Variants in CACNA1B observed in about 807,000 individuals in gnomAD.
CACNA1B encodes the protein calcium voltage-gated channel subunit alpha1 B.
CACNA1B carries 70 observed loss-of-function variants against 247.2 expected under a neutral mutation model. The observed-to-expected ratio is 0.28, with a 90% confidence interval of 0.23 to 0.35. CACNA1B has a LOEUF of 0.35. CACNA1B is among the 10% of genes least tolerant of loss of function. CACNA1B has a pLI of 1.00. For missense variants in CACNA1B, 2,367 were observed against 3,197.4 expected (o/e 0.74, Z 6.26); for synonymous variants, 1,231 against 1,294.4 (o/e 0.95, Z 1.05).
chr9:137,884,535 C>G (rs1411300802), intron 3 of CACNA1B, among the ~76,000 whole-genome samples: 1 of 145,474 alleles, frequency 6.9e-6, no homozygotes, highest in Non-Finnish European at 1.5e-5. Context: ...CTGTTTACCC[C>G]TCTCTCTCCC....
intron 31 of CACNA1B, among the ~76,000 whole-genome samples, chr9:138,066,245 C>A (rs1959910074): frequency 6.6e-6 from 1 of 152,224 alleles, no homozygotes; most frequent in Non-Finnish European, 1.5e-5. Context: ...TGGGCTCCAC[C>A]TGCAAAGCAG....
At chr9:138,017,013 G>T in intron 18 of CACNA1B, 1 of 438,158 alleles carries the variant, frequency 2.3e-6, no homozygotes, top group Middle Eastern at 4.7e-4. Flanking sequence ...ACGCGTCTGC[G>T]GCCTCCTGTC....
chr9:138,012,433 T>C lies in CACNA1B; in HGVS notation c.2161-696T>C, dbSNP rs143560568. Among the ~76,000 whole-genome samples the C allele has an allele frequency of 0.01, 1,529 of 151,902 alleles. 23 individuals are homozygous for C. Among genetic ancestry groups the C allele is most frequent in the African/African-American group, 0.036 (1,474 of 41,412 alleles). On this transcript the variant is annotated intron_variant, in intron 17 of 46. Transcript: ENST00000371372. The surrounding 1 kb of genome is among the most constrained non-coding windows in gnomAD (Gnocchi z 4.2). ...CAGATTTGCATTTCAGTGGGCAAGT[T>C]TGAGGTGCCATGGTACAGACAAGCT... is the stretch of plus-strand genomic sequence containing the variant.
intron 42 of CACNA1B, among the ~76,000 whole-genome samples, chr9:138,117,109 A>T (rs1961893891): frequency 6.6e-6 from 1 of 152,204 alleles, no homozygotes; most frequent in South Asian, 2.1e-4. Context: ...GAGAATGAGC[A>T]CTCACCCGAA....
At chr9:138,024,414 G>C (rs1190170194) in intron 19 of CACNA1B, among the ~76,000 whole-genome samples, 3 of 152,208 alleles carry the variant, frequency 2.0e-5, no homozygotes, top group East Asian at 3.8e-4. Flanking sequence ...AATACTTGCC[G>C]CTGGAGGCCC....
intron 6 of CACNA1B, among the ~76,000 whole-genome samples, chr9:137,935,755 C>G (rs912610421): frequency 6.6e-6 from 1 of 152,184 alleles, no homozygotes; most frequent in East Asian, 1.9e-4. Context: ...CACATCCTCT[C>G]CAGCACCTGC....
rs1260610409 is a variant in CACNA1B, at chr9:137,973,187, G to A, written c.1543+1595G>A. Among the ~76,000 whole-genome samples, 1 of 152,190 alleles carries A rather than the reference G, an allele frequency of 6.6e-6. No individual in the cohort carries two copies. The highest frequency in any genetic ancestry group is 1.5e-5 in the Non-Finnish European group (1 of 68,036). The stretch of plus-strand genomic sequence containing the variant: ...TGTCCAGGCGTTGGTGAGGCCACAG[G>A]CATCCCTGACCGTAGACCGCTACTG... On this transcript the variant is annotated intron_variant, in intron 11 of 46. Coordinates refer to ENST00000371372, the MANE Select transcript of CACNA1B (RefSeq NM_000718.4). The surrounding 1 kb of genome is among the most constrained non-coding windows in gnomAD (Gnocchi z 4.1).
chr9:138,062,943 T>A (rs1286974477), intron 31 of CACNA1B, among the ~76,000 whole-genome samples: 1 of 152,222 alleles, frequency 6.6e-6, no homozygotes, highest in East Asian at 1.9e-4. Flanking sequence ...AAGTGTGAGG[T>A]GCAATCACTA....
At chr9:137,997,033 T>C (rs1958509018) in intron 15 of CACNA1B, among the ~76,000 whole-genome samples, 3 of 152,206 alleles carry the variant, frequency 2.0e-5, no homozygotes, top group Non-Finnish European at 4.4e-5. Flanking sequence ...TTAGAAAACC[T>C]ATGAATGTAA....
intron 3 of CACNA1B, among the ~76,000 whole-genome samples, chr9:137,898,783 G>C (rs1004902897): frequency 6.6e-6 from 1 of 151,140 alleles, no homozygotes; most frequent in African/African-American, 2.4e-5. Flanking sequence ...CTGGGTTCAC[G>C]CCATTCTCCT....
At chr9:137,936,194 G>A (rs1460259982) in intron 6 of CACNA1B, among the ~76,000 whole-genome samples, 1 of 152,198 alleles carries the variant, frequency 6.6e-6, no homozygotes, top group Non-Finnish European at 1.5e-5. Context: ...TCTAACTGGT[G>A]TGAGATGGTA....
chr9:137,926,427 CCT>C (rs1957552244), intron 6 of CACNA1B, among the ~76,000 whole-genome samples: 2 of 152,206 alleles, frequency 1.3e-5, no homozygotes, highest in African/African-American at 4.8e-5. Context: ...CTTATCCATT[CCT>C]CTGTCAATGG....
In CACNA1B at chr9:138,100,438, C is replaced by G. The variant is rs971885996; in HGVS notation, c.5223-2273C>G. ...GTGGGGGGTCTCACGTGTGTCCAGCCCCCCGTGGTGGTCCCTTGGCTGCCA... is the reference window on the plus strand; with the variant it reads ...GTGGGGGGTCTCACGTGTGTCCAGCGCCCCGTGGTGGTCCCTTGGCTGCCA... On this transcript the variant is annotated intron_variant, in intron 37 of 46. Transcript: ENST00000371372. The surrounding 1 kb of genome is among the most constrained non-coding windows in gnomAD (Gnocchi z 4.6). Among the ~76,000 whole-genome samples, 8 of 152,082 alleles carry G rather than the reference C, an allele frequency of 5.3e-5. No homozygotes were observed. The highest frequency in any genetic ancestry group is 8.8e-5 in the Non-Finnish European group (6 of 68,026).
At chr9:138,089,105 AT>A (rs1960799047) in intron 36 of CACNA1B, among the ~76,000 whole-genome samples, 1 of 152,002 alleles carries the variant, frequency 6.6e-6, no homozygotes, top group African/African-American at 2.4e-5. Flanking sequence ...AGAGGAGGGA[AT>A]TCTTCTAAAC....
At chr9:138,118,624 T>TG in intron 43 of CACNA1B, 28 bp from the exon 44 acceptor site, 5 of 1,130,422 alleles carry the variant, frequency 4.4e-6, no homozygotes, top group Non-Finnish European at 5.2e-6. Context: ...CCTTGTGTGG[T>TG]GGGACTAGGT....
rs776117386 is a variant in CACNA1B at position 137,917,047 on chromosome 9, G to A, written c.776-194G>A. Among the ~76,000 whole-genome samples, 28 of 152,116 alleles carry A rather than the reference G, an allele frequency of 1.8e-4. No individual in the cohort carries two copies. The highest frequency in any genetic ancestry group is 8.3e-4 in the South Asian group (4 of 4,822). On this transcript the variant is annotated intron_variant, in intron 5 of 46. Coordinates refer to ENST00000371372, the MANE Select transcript of CACNA1B (RefSeq NM_000718.4). The surrounding 1 kb of genome is among the most constrained non-coding windows in gnomAD (Gnocchi z 5.5). ...CCGTTACTCCCTGAGTTGGTCACTCGTGAGCTCGGGGTCAGCAAGAGGCGA... is the reference window on the plus strand; with the variant it reads ...CCGTTACTCCCTGAGTTGGTCACTCATGAGCTCGGGGTCAGCAAGAGGCGA...
intron 3 of CACNA1B, among the ~76,000 whole-genome samples, chr9:137,897,505 G>A (rs548310406): frequency 1.3e-5 from 2 of 152,038 alleles, no homozygotes; most frequent in East Asian, 2.0e-4. Context: ...ACTTGAACCC[G>A]GAAGGTAGAG....
intron 38 of CACNA1B, among the ~76,000 whole-genome samples, chr9:138,105,284 G>T (rs769644368): frequency 6.6e-6 from 1 of 152,224 alleles, no homozygotes; most frequent in Non-Finnish European, 1.5e-5. Flanking sequence ...GATCGAAGTG[G>T]TGGGAGGAGA....
chr9:138,001,244 TA>T (rs750278715), intron 15 of CACNA1B, among the ~76,000 whole-genome samples: 22 of 152,192 alleles, frequency 1.4e-4, no homozygotes, highest in East Asian at 9.6e-4. Flanking sequence ...TAATTCATGA[TA>T]AAAAAAAGTC....
Sources: allele counts gnomAD v4.1 joint callset (sites outside exome capture counted in the v4.1 genomes callset), GRCh38; gene constraint gnomAD v4.1.1; non-coding constraint Gnocchi (gnomAD v3.1); transcripts MANE v1.5; gene names NCBI Gene and HGNC (gene_info 2026-07-23, HGNC 2026-07-21).